LTBP1: variants seen among roughly 807,000 people sequenced by gnomAD.
LTBP1 encodes the protein latent-transforming growth factor beta-binding protein 1.
Under a neutral mutation model 207.6 loss-of-function variants are expected in LTBP1, and 129 were observed. That is an observed-to-expected ratio of 0.62 (90% confidence interval 0.54 to 0.72). The LOEUF is 0.72. Ranked by LOEUF, LTBP1 falls within the 30% of genes least tolerant of loss-of-function variation. The pLI is 0.00. For missense variants in LTBP1, 2,281 were observed against 2,217.2 expected, an observed-to-expected ratio of 1.03 and a Z score of -0.58; for synonymous variants, 963 against 833.7, an observed-to-expected ratio of 1.16 and a Z score of -2.67.
At chr2:33,359,132 A>G (rs572846573) in intron 26 of LTBP1, among the ~76,000 whole-genome samples, 7 of 152,296 alleles carry the variant, frequency 4.6e-5, no homozygotes, top group East Asian at 3.9e-4. Flanking sequence ...GCTGACTTAC[A>G]GTCCAAGCTG....
At chr2:33,323,709 G>A (rs117870164) in intron 24 of LTBP1, among the ~76,000 whole-genome samples, 32 of 152,262 alleles carry the variant, frequency 2.1e-4, no homozygotes, top group East Asian at 1.2e-3. Flanking sequence ...GGCACAATAC[G>A]CATTTGGCAA....
At chr2:33,295,372 C>G (rs1663119063) in intron 20 of LTBP1, among the ~76,000 whole-genome samples, 1 of 151,898 alleles carries the variant, frequency 6.6e-6, no homozygotes, top group Admixed American at 6.6e-5. Context: ...ACTAAAAATA[C>G]AAAAATTAGC....
At chr2:33,041,572 G>A (rs370670073) in intron 3 of LTBP1, among the ~76,000 whole-genome samples, 1 of 152,150 alleles carries the variant, frequency 6.6e-6, no homozygotes, top group Non-Finnish European at 1.5e-5. Context: ...GTGAGCCACC[G>A]TGCCTGGCCC....
intron 5 of LTBP1, among the ~76,000 whole-genome samples, chr2:33,143,038 C>T (rs550936420): frequency 2.6e-5 from 4 of 152,334 alleles, no homozygotes; most frequent in South Asian, 2.1e-4. Context: ...CCTTCTTCCA[C>T]CCCAATCCTC....
At chr2:33,044,862 A>G (rs934455732) in intron 3 of LTBP1, among the ~76,000 whole-genome samples, 1 of 152,182 alleles carries the variant, frequency 6.6e-6, no homozygotes, top group East Asian at 1.9e-4. Flanking sequence ...TCTAATGGCC[A>G]GTGACGATGA....
chr2:33,043,293 A>G (rs1436335704), intron 3 of LTBP1, among the ~76,000 whole-genome samples: 1 of 152,174 alleles, frequency 6.6e-6, no homozygotes, highest in African/African-American at 2.4e-5. Context: ...TGACATAATG[A>G]GTCTATAATA....
At chr2:33,221,219 A>G (rs2091079046) in intron 8 of LTBP1, among the ~76,000 whole-genome samples, 1 of 152,150 alleles carries the variant, frequency 6.6e-6, no homozygotes, top group Admixed American at 6.5e-5. Context: ...ATTTTTCATG[A>G]ATTATCTCTA....
At chr2:33,227,978 T>A (rs528213294) in intron 9 of LTBP1, among the ~76,000 whole-genome samples, 1 of 152,044 alleles carries the variant, frequency 6.6e-6, no homozygotes, top group East Asian at 1.9e-4. Context: ...CTACTTTTTT[T>A]ATATTTTCAG....
chr2:33,112,627 T>C (rs2080481046), intron 4 of LTBP1, among the ~76,000 whole-genome samples: 1 of 152,294 alleles, frequency 6.6e-6, no homozygotes, highest in South Asian at 2.1e-4. Context: ...AGGCCAGAGC[T>C]CTACTGAGAG....
intron 15 of LTBP1, among the ~76,000 whole-genome samples, chr2:33,270,199 C>T (rs567043923): frequency 1.3e-5 from 2 of 151,900 alleles, no homozygotes; most frequent in African/African-American, 2.4e-5. Flanking sequence ...GGATTACAGA[C>T]GTGAGCCACT....
chr2:33,187,934 T>C (rs2087380631), intron 6 of LTBP1, among the ~76,000 whole-genome samples: 2 of 152,238 alleles, frequency 1.3e-5, no homozygotes, highest in Non-Finnish European at 2.9e-5. Flanking sequence ...TGCTTGATCT[T>C]TCTGATTAAC....
At chr2:33,322,540 T>G (rs758116171) in intron 24 of LTBP1, among the ~76,000 whole-genome samples, 1 of 152,222 alleles carries the variant, frequency 6.6e-6, no homozygotes, top group Non-Finnish European at 1.5e-5. Context: ...TATATCTGAT[T>G]GCATGATTTT....
intron 7 of LTBP1, among the ~76,000 whole-genome samples, chr2:33,199,564 C>T (rs1338068042): frequency 6.6e-6 from 1 of 152,166 alleles, no homozygotes; most frequent in Non-Finnish European, 1.5e-5. Context: ...AAAACTGGCA[C>T]AAGACAGGGA....
chr2:33,217,752 A>G, intron 8 of LTBP1, 98 bp downstream of exon 8: 1 of 864,688 alleles, frequency 1.2e-6, no homozygotes, highest in Non-Finnish European at 1.9e-6. Context: ...CTTTCAAAGA[A>G]CTCTCCTACT....
chr2:33,149,255 A>AG (rs2083323924), intron 5 of LTBP1, among the ~76,000 whole-genome samples: 1 of 147,342 alleles, frequency 6.8e-6, no homozygotes, highest in Non-Finnish European at 1.5e-5. Context: ...AAAAAAAAAA[A>AG]GAGAGGGAGC....
At chr2:33,314,314 C>T (rs973853448) in intron 23 of LTBP1, among the ~76,000 whole-genome samples, 2 of 152,120 alleles carry the variant, frequency 1.3e-5, no homozygotes, top group South Asian at 2.1e-4. Context: ...CTTTGGAAGG[C>T]GGAGACAGGA....
At chr2:33,034,810 C>A (rs2075842330) in intron 3 of LTBP1, among the ~76,000 whole-genome samples, 1 of 151,456 alleles carries the variant, frequency 6.6e-6, no homozygotes, top group South Asian at 2.1e-4. Flanking sequence ...AATAAATACG[C>A]AATATGGAAA....
intron 5 of LTBP1, among the ~76,000 whole-genome samples, chr2:33,151,222 G>C (rs967302586): frequency 2.6e-5 from 4 of 152,140 alleles, no homozygotes; most frequent in African/African-American, 7.2e-5. Flanking sequence ...TGATGTATAA[G>C]TATCTGTTTG....
At chr2:33,030,477 A>C (rs2075642790) in intron 3 of LTBP1, among the ~76,000 whole-genome samples, 1 of 152,178 alleles carries the variant, frequency 6.6e-6, no homozygotes, top group Non-Finnish European at 1.5e-5. Context: ...ATTCAGAAAA[A>C]ACCATTTCCG....
Sources: allele counts gnomAD v4.1 joint callset (sites outside exome capture counted in the v4.1 genomes callset), GRCh38; gene constraint gnomAD v4.1.1; transcripts MANE v1.5; gene names NCBI Gene and HGNC (gene_info 2026-07-23, HGNC 2026-07-21).